Variants in FARS2 observed in about 807,000 individuals in gnomAD.
FARS2 encodes the protein phenylalanine--tRNA ligase, mitochondrial.
A neutral mutation model predicts 46.4 loss-of-function variants in FARS2; 40 were observed. The observed-to-expected ratio is 0.86, with a 90% CI of 0.67 to 1.12. FARS2 has a LOEUF of 1.12. Ranked by LOEUF, FARS2 falls within the 50% of genes most tolerant of loss-of-function variation. The probability of loss-of-function intolerance (pLI) is 0.00; values close to 1 mark genes in which losing one functional copy is unlikely to be tolerated. For missense variants in FARS2, 513 were observed against 567.9 expected (o/e 0.90, Z 0.98); for synonymous variants, 234 against 214.9 (o/e 1.09, Z -0.78).
intron 6 of FARS2, among the ~76,000 whole-genome samples, chr6:5,666,192 A>T (rs1262605679): frequency 6.6e-6 from 1 of 152,230 alleles, no homozygotes; most frequent in South Asian, 2.1e-4. Flanking sequence ...TGGGCTGTGT[A>T]AGGAAGAATC....
chr6:5,291,885 A>T lies in FARS2; in HGVS notation c.-22+30225A>T, dbSNP rs185608180. 5.9e-5 allele frequency among the ~76,000 whole-genome samples: 9 copies of T among 152,354 alleles called. No individual in the cohort carries two copies. In the East Asian group the frequency reaches 1.5e-3, roughly 26 times the overall value. ...GTATATACAAAGTCTAATAAGATAT[A>T]CTATTTTATTACTCCAAAGAGTGCA... On this transcript the variant is annotated intron_variant, in intron 1 of 6. Coordinates refer to ENST00000274680, the MANE Select transcript of FARS2 (RefSeq NM_006567.5).
At chr6:5,760,448 G>T (rs1338482182) in intron 6 of FARS2, among the ~76,000 whole-genome samples, 3 of 152,184 alleles carry the variant, frequency 2.0e-5, no homozygotes, top group Non-Finnish European at 4.4e-5. Context: ...GAGACCTCAA[G>T]TGAACAGGAG....
intron 1 of FARS2, among the ~76,000 whole-genome samples, chr6:5,357,381 A>G (rs1320812803): frequency 6.6e-6 from 1 of 152,200 alleles, no homozygotes; most frequent in Non-Finnish European, 1.5e-5. Flanking sequence ...CATTGTCTGA[A>G]GCAACTTGAG....
chr6:5,431,300 C>A, intron 4 of FARS2, 128 bp downstream of exon 4: 1 of 907,008 alleles, frequency 1.1e-6, no homozygotes, highest in Non-Finnish European at 1.7e-6. Flanking sequence ...GGTCTCTCTT[C>A]AGATTCCCCT....
At chr6:5,459,961 C>T (rs1237069143) in intron 4 of FARS2, among the ~76,000 whole-genome samples, 1 of 152,144 alleles carries the variant, frequency 6.6e-6, no homozygotes, top group African/African-American at 2.4e-5. Flanking sequence ...AGGACTTAGC[C>T]ATGTCTTCCC....
intron 6 of FARS2, among the ~76,000 whole-genome samples, chr6:5,660,666 A>T (rs1484559212): frequency 6.6e-6 from 1 of 151,958 alleles, no homozygotes; most frequent in Non-Finnish European, 1.5e-5. Flanking sequence ...AAAAAAAAAA[A>T]AAAGTAACAG....
intron 3 of FARS2, among the ~76,000 whole-genome samples, chr6:5,412,699 C>T (rs1249220050): frequency 6.6e-6 from 1 of 152,204 alleles, no homozygotes; most frequent in African/African-American, 2.4e-5. Flanking sequence ...GTGCTACATT[C>T]TTCCTAAATG....
At chr6:5,771,249 T>C in intron 6 of FARS2, 42 bp from the exon 7 acceptor site, 1 of 1,612,434 alleles carries the variant, frequency 6.2e-7, no homozygotes, top group Non-Finnish European at 8.5e-7. Context: ...AGGCACAGCC[T>C]TGTTCATCCC....
At chr6:5,510,666 C>T (rs981368960) in intron 4 of FARS2, among the ~76,000 whole-genome samples, 1 of 152,320 alleles carries the variant, frequency 6.6e-6, no homozygotes. Flanking sequence ...CCAGCGCTGG[C>T]CGCGTGAGAA....
chr6:5,608,229 G>T (rs1774959286), intron 5 of FARS2, among the ~76,000 whole-genome samples: 1 of 152,136 alleles, frequency 6.6e-6, no homozygotes, highest in Admixed American at 6.5e-5. Flanking sequence ...TTTACCATCA[G>T]TTTGCGCATG....
At chr6:5,288,033 G>A (rs986236589) in intron 1 of FARS2, among the ~76,000 whole-genome samples, 1 of 152,114 alleles carries the variant, frequency 6.6e-6, no homozygotes, top group Non-Finnish European at 1.5e-5. Context: ...CCTCCCAGCT[G>A]CCTTGTTCCC....
At chr6:5,385,575 C>T (rs1444335850) in intron 2 of FARS2, among the ~76,000 whole-genome samples, 1 of 152,048 alleles carries the variant, frequency 6.6e-6, no homozygotes, top group Non-Finnish European at 1.5e-5. Context: ...GCATGCACTA[C>T]CATGCCCAGC....
At chr6:5,639,270 C>A (rs892256938) in intron 6 of FARS2, among the ~76,000 whole-genome samples, 1 of 152,330 alleles carries the variant, frequency 6.6e-6, no homozygotes, top group South Asian at 2.1e-4. Flanking sequence ...TTCAGCCTTT[C>A]GGTGGCCAGC....
chr6:5,279,948 C>G (rs986518324), intron 1 of FARS2, among the ~76,000 whole-genome samples: 11 of 152,208 alleles, frequency 7.2e-5, no homozygotes, highest in Non-Finnish European at 5.9e-5. Flanking sequence ...AACCAAATAT[C>G]TGGGCACCCC....
intron 6 of FARS2, among the ~76,000 whole-genome samples, chr6:5,729,662 C>T (rs1760497348): frequency 6.6e-6 from 1 of 152,022 alleles, no homozygotes. Flanking sequence ...CTTTCCCCTT[C>T]AAGGATGGAC....
chr6:5,717,349 A>ATGTGTGTGTG (rs1340235389), intron 6 of FARS2, among the ~76,000 whole-genome samples: 1 of 91,158 alleles, frequency 1.1e-5, no homozygotes, highest in African/African-American at 4.9e-5. Flanking sequence ...ATAGATATGT[A>ATGTGTGTGTG]TATGTGTGTG....
At chr6:5,417,206 GT>G (rs202199755) in intron 3 of FARS2, among the ~76,000 whole-genome samples, 2 of 151,764 alleles carry the variant, frequency 1.3e-5, no homozygotes, top group African/African-American at 4.8e-5. Context: ...TAGATTAATA[GT>G]TTTTTTTACC....
the FARS2 span, among the ~76,000 whole-genome samples, chr6:5,254,904 G>A: frequency 7.1e-4 from 108 of 151,952 alleles, 1 homozygote; most frequent in African/African-American, 2.4e-3. Flanking sequence ...AGGTGGAGGG[G>A]GTATCTCTAC....
chr6:5,254,238 C>G, the FARS2 span, among the ~76,000 whole-genome samples: 1 of 152,190 alleles, frequency 6.6e-6, no homozygotes, highest in South Asian at 2.1e-4. Flanking sequence ...AACGAATTGG[C>G]CTCATCCGCC....
Sources: gnomAD v4.1 joint callset for allele counts (sites outside exome capture counted in the v4.1 genomes callset) on GRCh38, gnomAD v4.1.1 for gene constraint, MANE v1.5 for transcripts, NCBI Gene and HGNC (gene_info 2026-07-23, HGNC 2026-07-21) for gene names.